TCERG1L: variants seen among roughly 807,000 people sequenced by gnomAD.
The protein encoded by TCERG1L is transcription elongation regulator 1 like, also known as transcription elongation regulator 1-like protein.
In TCERG1L, 37 loss-of-function variants were observed where a neutral mutation model predicts 56.3. The observed-to-expected ratio is 0.66, with a 90% confidence interval of 0.51 to 0.87. TCERG1L has a LOEUF of 0.87. TCERG1L is among the 40% of genes least tolerant of loss of function. The pLI is 0.00. For synonymous variants in TCERG1L, 324 were observed against 326.3 expected (o/e 0.99, Z 0.08); for missense variants, 799 against 774.2 (o/e 1.03, Z -0.38).
chr10:131,262,887 C>G (rs558575888), intron 3 of TCERG1L, among the ~76,000 whole-genome samples: 1 of 152,254 alleles, frequency 6.6e-6, no homozygotes, highest in African/African-American at 2.4e-5. Flanking sequence ...CTAGTTTTGC[C>G]TTTTCCAGAA....
At chr10:131,099,693 T>C (rs1171198154) in intron 10 of TCERG1L, among the ~76,000 whole-genome samples, 1 of 152,206 alleles carries the variant, frequency 6.6e-6, no homozygotes, top group Non-Finnish European at 1.5e-5. Flanking sequence ...CCACTTTGTC[T>C]TATTGTTTCA....
chr10:131,252,986 G>A (rs76262844), intron 4 of TCERG1L, among the ~76,000 whole-genome samples: 2,970 of 152,276 alleles, frequency 0.02, 91 homozygotes, highest in African/African-American at 0.068. Flanking sequence ...AGGGACCCCC[G>A]GGGATGGCAG....
intron 8 of TCERG1L, among the ~76,000 whole-genome samples, chr10:131,117,351 C>A (rs12247612): frequency 0.022 from 3,307 of 152,348 alleles, 133 homozygotes; most frequent in African/African-American, 0.075. Flanking sequence ...GGCTTTTCAT[C>A]CGAACAATCA....
intron 8 of TCERG1L, among the ~76,000 whole-genome samples, chr10:131,123,465 G>C (rs1211017543): frequency 6.6e-6 from 1 of 152,152 alleles, no homozygotes. Context: ...AAGGCCCTAA[G>C]GTAGGAGCAT....
At chr10:131,128,058 A>G (rs1339259821) in intron 8 of TCERG1L, among the ~76,000 whole-genome samples, 4 of 152,222 alleles carry the variant, frequency 2.6e-5, no homozygotes, top group Non-Finnish European at 5.9e-5. Context: ...CATATGTCTT[A>G]TTTTAAAATG....
At chr10:131,195,631 C>T (rs1252831955) in intron 4 of TCERG1L, among the ~76,000 whole-genome samples, 6 of 152,320 alleles carry the variant, frequency 3.9e-5, no homozygotes, top group South Asian at 2.1e-4. Flanking sequence ...AGGACCTCTC[C>T]GCTGGGCCCA....
chr10:131,155,674 T>G (rs1043938039), intron 6 of TCERG1L, among the ~76,000 whole-genome samples: 1 of 152,126 alleles, frequency 6.6e-6, no homozygotes. Context: ...ACCGGCCCCA[T>G]GCAGGCAGGG....
chr10:131,237,015 GGAGTA>G (rs1845919855), intron 4 of TCERG1L, among the ~76,000 whole-genome samples: 1 of 151,976 alleles, frequency 6.6e-6, no homozygotes, highest in African/African-American at 2.4e-5. Flanking sequence ...CATTTCACCT[GGAGTA>G]GAGGAAAGTC....
At chr10:131,273,805 G>A (rs192916563) in intron 3 of TCERG1L, among the ~76,000 whole-genome samples, 39 of 152,302 alleles carry the variant, frequency 2.6e-4, no homozygotes, top group East Asian at 2.5e-3. Flanking sequence ...GGAGCCAAAC[G>A]GAGCTCTGGT....
intron 11 of TCERG1L, among the ~76,000 whole-genome samples, chr10:131,093,688 C>G (rs1236035768): frequency 6.6e-6 from 1 of 152,224 alleles, no homozygotes; most frequent in Admixed American, 6.5e-5. Context: ...CTCTGCCTGC[C>G]ACGGTCTTTC....
intron 4 of TCERG1L, among the ~76,000 whole-genome samples, chr10:131,187,599 G>T (rs1476215788): frequency 6.6e-6 from 1 of 152,158 alleles, no homozygotes; most frequent in Non-Finnish European, 1.5e-5. Context: ...CTTAAGAATG[G>T]CATGGTGGAA....
intron 4 of TCERG1L, among the ~76,000 whole-genome samples, chr10:131,183,725 T>A (rs2133454812): frequency 6.6e-6 from 1 of 152,312 alleles, no homozygotes; most frequent in African/African-American, 2.4e-5. Flanking sequence ...GCCCAGGCTC[T>A]CTGGACACTG....
At chr10:131,147,769 G>GACCTGTTGGGGACAGT (rs1450923003) in intron 6 of TCERG1L, among the ~76,000 whole-genome samples, 3 of 152,232 alleles carry the variant, frequency 2.0e-5, no homozygotes, top group Non-Finnish European at 4.4e-5. Flanking sequence ...GGAGGCCCCC[G>GACCTGTTGGGGACAGT]ACCTGTTGGG....
rs567222523 is a variant in TCERG1L, at chr10:131,178,752, G to C, written c.857-11867C>G. ...GGGATCCCTCGGGACCTTCTCCCCA[G>C]GCATCTGCCCGTTCTATGCGCTCCA... On this transcript the variant is annotated intron_variant, in intron 4 of 11. Coordinates refer to ENST00000368642, the MANE Select transcript of TCERG1L (RefSeq NM_174937.4). Among the ~76,000 whole-genome samples the C allele has an allele frequency of 6.0e-4, 91 of 152,286 alleles. 1 individual carries two copies. Among genetic ancestry groups the C allele is most frequent in the African/African-American group, 2.1e-3 (87 of 41,562 alleles).
At chr10:131,143,936 G>A (rs901510745) in intron 7 of TCERG1L, among the ~76,000 whole-genome samples, 1 of 152,166 alleles carries the variant, frequency 6.6e-6, no homozygotes, top group Non-Finnish European at 1.5e-5. Flanking sequence ...ATGACAAAGC[G>A]GACTCTTTCC....
intron 6 of TCERG1L, chr10:131,161,889 C>G (rs1399632531): frequency 6.6e-6 from 1 of 152,306 alleles, no homozygotes; most frequent in African/African-American, 2.4e-5. Flanking sequence ...CAGGTCCACA[C>G]CTTACCCTGA....
At chr10:131,169,317 G>A (rs1167104819) in intron 4 of TCERG1L, among the ~76,000 whole-genome samples, 4 of 152,032 alleles carry the variant, frequency 2.6e-5, no homozygotes, top group African/African-American at 4.8e-5. Flanking sequence ...AAAACCCAGG[G>A]CTCTGTCCCT....
At chr10:131,278,783 C>T (rs1846422005) in intron 3 of TCERG1L, among the ~76,000 whole-genome samples, 3 of 152,120 alleles carry the variant, frequency 2.0e-5, no homozygotes, top group Admixed American at 2.0e-4. Context: ...CCTTGAAGGC[C>T]CCTGCTCTCT....
intron 8 of TCERG1L, among the ~76,000 whole-genome samples, chr10:131,132,189 C>T (rs537375260): frequency 2.0e-5 from 3 of 152,248 alleles, no homozygotes; most frequent in East Asian, 1.9e-4. Context: ...ACGGGATGGG[C>T]GTGCTCAGTC....
Sources: gnomAD v4.1 joint callset for allele counts (sites outside exome capture counted in the v4.1 genomes callset) on GRCh38, gnomAD v4.1.1 for gene constraint, MANE v1.5 for transcripts, NCBI Gene and HGNC (gene_info 2026-07-23, HGNC 2026-07-21) for gene names.